Variants in KMT2A observed in about 807,000 individuals in gnomAD.
The protein encoded by KMT2A is lysine methyltransferase 2A, also known as histone-lysine N-methyltransferase 2A.
A neutral mutation model predicts 345.3 loss-of-function variants in KMT2A; 16 were observed. The ratio of observed to expected loss-of-function variants is 0.05; its 90% CI spans 0.03 to 0.07. The LOEUF (loss-of-function observed/expected upper bound fraction) is 0.07, where lower values mean the gene tolerates loss of function less well. Among genes scored for constraint, KMT2A ranks in the 10% least tolerant of loss-of-function variants. The pLI, the probability that KMT2A is intolerant of heterozygous loss-of-function variation, is 1.00. For missense variants in KMT2A, 3,272 were observed against 4,841.6 expected (o/e 0.68, Z 9.62); for synonymous variants, 1,599 against 1,778.6 (o/e 0.90, Z 2.54).
chr11:118,522,239 T>A lies in KMT2A; in HGVS notation c.*67T>A. 2 of 1,560,714 alleles carry A rather than the reference T, an allele frequency of 1.3e-6. No homozygotes were observed. The highest frequency in any genetic ancestry group is 2.4e-5 in the South Asian group (2 of 84,584). ...GCCATCCAAAGCAACGCTGAAGGCCTTTTCCAGCAGCTGGGAGCTCCCGGA... is the reference window on the plus strand; with the variant it reads ...GCCATCCAAAGCAACGCTGAAGGCCATTTCCAGCAGCTGGGAGCTCCCGGA... On this transcript the variant is annotated 3_prime_UTR_variant, in exon 36 of 36. Transcript: ENST00000534358. The surrounding 1 kb of genome is among the most constrained non-coding windows in gnomAD (Gnocchi z 5.4).
rs543733077 is a variant in KMT2A at position 118,503,120 on chromosome 11, A to G, written c.7228A>G (p.Met2410Val). The G allele has an allele frequency of 4.3e-5, 70 of 1,613,642 alleles. No individual in the cohort carries two copies. The African/African-American group carries it at 8.7e-4, about 20-fold the overall frequency. The stretch of plus-strand genomic sequence containing the variant: ...AGTCAAAACCTTGAAGCTATCTGGA[A>G]TGAGCAACAGATCATCCATTATCAA... ...TEVKTLKLSGMSNRSSIINEH... is the reference protein window; with the variant it reads ...TEVKTLKLSGVSNRSSIINEH... The change falls in exon 27 of 36, where the codon ATG becomes GTG. Residue 2410 changes from methionine to valine, a missense_variant. Physicochemically the swap from Met to Val is conservative, Grantham distance 21 (BLOSUM62 1). Around this residue, in one of 27 missense-constraint regions of KMT2A, gnomAD observed 445 missense variants for 500.9 expected, o/e 0.89. Transcript: ENST00000534358. This position sits in a 1 kb window ranked among gnomAD's most constrained non-coding sequence, Gnocchi z 5.3.
chr11:118,503,343 A>C lies in KMT2A; in HGVS notation c.7451A>C (p.Asn2484Thr). ...TATATGGGCCAACGACCATGTAACA[A>C]TGTTTCTTCTGATAAGATTGGTGAT... ...PEYMGQRPCN[N>T]VSSDKIGDKG... Residue 2484 changes from asparagine (N) to threonine (T), a missense_variant, in exon 27 of 36, where the codon AAT becomes ACT. Physicochemically the swap from Asn to Thr is moderately conservative, Grantham distance 65. Transcript: ENST00000534358. This position sits in a 1 kb window ranked among gnomAD's most constrained non-coding sequence, Gnocchi z 5.3. 1.9e-6 allele frequency: 3 copies of C among 1,614,124 alleles called. No individual in the cohort carries two copies. Among genetic ancestry groups the C allele is most frequent in the African/African-American group, 1.3e-5 (1 of 75,012 alleles).
Position 118,510,062 on chromosome 11 carries a change from T to G in KMT2A, c.11015T>G (p.Leu3672Arg). The G allele has an allele frequency of 6.2e-7, 1 of 1,613,920 alleles. No individual in the cohort carries two copies. The highest frequency in any genetic ancestry group is 8.5e-7 in the Non-Finnish European group (1 of 1,179,870). Residue 3672 changes from leucine to arginine, a missense_variant, in exon 30 of 36, where the codon CTT (leucine) becomes CGT (arginine). Physicochemically the swap from Leu to Arg is moderately radical, Grantham distance 102. Transcript: ENST00000534358. The surrounding 1 kb of genome is among the most constrained non-coding windows in gnomAD (Gnocchi z 4.1). Reference protein sequence around the residue: ...SITEKKPKKGLVFEISSDDGF... With the variant: ...SITEKKPKKGRVFEISSDDGF... ...ACTGAGAAAAAACCCAAGAAAGGACTTGTTTTTGAAATTTCCAGTGATGAT... is the reference window on the plus strand; with the variant it reads ...ACTGAGAAAAAACCCAAGAAAGGACGTGTTTTTGAAATTTCCAGTGATGAT...
Position 118,491,970 on chromosome 11 carries a change from T to TAA in KMT2A, c.5004+43_5004+44insAA. 2 of 1,433,864 alleles carry TAA rather than the reference T, an allele frequency of 1.4e-6. No homozygotes were observed. Among genetic ancestry groups the TAA allele is most frequent in the Non-Finnish European group, 1.9e-6 (2 of 1,032,424 alleles). 88.8% of individuals were successfully genotyped at this position (1,433,864 alleles called of 1,614,324 possible). A position where few individuals can be genotyped will look rare whatever the true frequency, so the allele number is the denominator to read the frequency against. ...TTTTTTCTGAGAGCTTGTTCTTAGG[T>TAA]AGTCTTTACCTAGTGTTTTTCTTTT... On this transcript the variant is annotated intron_variant, in intron 15 of 35. Transcript: ENST00000534358. This position sits in a 1 kb window ranked among gnomAD's most constrained non-coding sequence, Gnocchi z 4.2.
Position 118,476,822 on chromosome 11 carries a change from A to T in KMT2A, c.3174A>T (p.Ser1058=). The change falls in exon 4 of 36, where the codon TCA becomes TCT. Residue 1058 remains serine, a synonymous_variant. Coordinates refer to ENST00000534358, the MANE Select transcript of KMT2A (RefSeq NM_001197104.2). The surrounding 1 kb of genome is among the most constrained non-coding windows in gnomAD (Gnocchi z 4.1). ...QPKAQGQESD[S]SETSVRGPRI... ...ATATTCAGGGTCAAGAAAGTGACTC[A>T]TCAGAGACCTCTGTGCGAGGACCCC... 2 of 1,609,310 alleles carry T rather than the reference A, an allele frequency of 1.2e-6. No individual in the cohort carries two copies. The highest frequency in any genetic ancestry group is 1.7e-6 in the Non-Finnish European group (2 of 1,175,982).
chr11:118,507,279 G>A (rs559388214), intron 27 of KMT2A, among the ~76,000 whole-genome samples: 1 of 152,150 alleles, frequency 6.6e-6, no homozygotes, highest in Non-Finnish European at 1.5e-5. Context: ...CCTAGGTGGA[G>A]TGCACCTATG....
chr11:118,451,347 G>A lies in KMT2A; in HGVS notation c.432+14403G>A, dbSNP rs546882342. On this transcript the variant is annotated intron_variant, in intron 1 of 35. Coordinates refer to ENST00000534358, the MANE Select transcript of KMT2A (RefSeq NM_001197104.2). ...CTTCCTCAGCCTCCTGAGTAGCTGG[G>A]ACCATAGGCTCACAACACCATGCCT... Among the ~76,000 whole-genome samples, 11 of 151,882 alleles carry A rather than the reference G, an allele frequency of 7.2e-5. No individual in the cohort carries two copies. The South Asian group carries it at 1.7e-3, about 23-fold the overall frequency.
rs782404733 is a variant in KMT2A, at chr11:118,482,440, A to T, written c.4031A>T (p.Gln1344Leu). Residue 1344 changes from glutamine to leucine, a missense_variant, in exon 8 of 36, where the codon CAG becomes CTG. Gln to Leu is a moderately radical substitution (Grantham distance 113). Coordinates refer to ENST00000534358, the MANE Select transcript of KMT2A (RefSeq NM_001197104.2). Reference protein sequence around the residue: ...PPESGPEQSKQKKVAPRPSIP... With the variant: ...PPESGPEQSKLKKVAPRPSIP... ...TTTTTAGGTCCAGAGCAGAGCAAAC[A>T]GAAAAAAGTGGCTCCCCGCCCAAGT... is the stretch of plus-strand genomic sequence containing the variant. 3 of 1,613,684 alleles carry T rather than the reference A, an allele frequency of 1.9e-6. No individual in the cohort carries two copies. Among genetic ancestry groups the T allele is most frequent in the Non-Finnish European group, 2.5e-6 (3 of 1,179,806 alleles).
intron 28 of KMT2A, 89 bp from the exon 29 acceptor site, chr11:118,509,047 G>T: frequency 5.6e-6 from 6 of 1,079,894 alleles, no homozygotes; most frequent in South Asian, 1.4e-5. Flanking sequence ...CAGTTATTTT[G>T]TATACCACAG....
rs541351408 is a variant in KMT2A at position 118,448,963 on chromosome 11, A to AT, written c.432+12020dup. 3 of 152,214 alleles carry AT rather than the reference A, an allele frequency of 2.0e-5. No individual in the cohort carries two copies. The South Asian group carries it at 6.2e-4, about 32-fold the overall frequency. The allele number at this position is 152,214 out of a possible 1,614,324, so 9.4% of individuals were successfully genotyped here. A position where few individuals can be genotyped will look rare whatever the true frequency, so the allele number is the denominator to read the frequency against. On this transcript the variant is annotated intron_variant, in intron 1 of 35. Coordinates refer to ENST00000534358, the MANE Select transcript of KMT2A (RefSeq NM_001197104.2). ...TTGTCATACATTCAGAAAACAAGAGATGTAAAATTCATAAAACTGCTTGTA... is the reference window on the plus strand; with the variant it reads ...TTGTCATACATTCAGAAAACAAGAGATTGTAAAATTCATAAAACTGCTTGTA...
Position 118,503,890 on chromosome 11 carries a change from A to G in KMT2A, c.7998A>G (p.Gly2666=), listed in dbSNP as rs782199290. The change falls in exon 27 of 36, where the codon GGA becomes GGG. Residue 2666 remains glycine, a synonymous_variant. Transcript: ENST00000534358. This position sits in a 1 kb window ranked among gnomAD's most constrained non-coding sequence, Gnocchi z 5.3. The part of the protein sequence containing the change: ...GKKRGKRSAE[G]QVDGADDLST... ...AGCGAGGCAAGAGATCAGCTGAAGG[A>G]CAGGTGGATGGGGCCGATGACTTAA... is the stretch of plus-strand genomic sequence containing the variant. The G allele has an allele frequency of 1.2e-6, 2 of 1,614,252 alleles. No individual in the cohort carries two copies. Among genetic ancestry groups the G allele is most frequent in the Admixed American group, 1.7e-5 (1 of 60,032 alleles).
chr11:118,463,957 A>G (rs1949793802), intron 1 of KMT2A, among the ~76,000 whole-genome samples: 1 of 152,226 alleles, frequency 6.6e-6, no homozygotes, highest in South Asian at 2.1e-4. Context: ...TGAAGCAAAA[A>G]CAAACATAAA....
intron 1 of KMT2A, among the ~76,000 whole-genome samples, chr11:118,452,287 G>A (rs1036940726): frequency 2.0e-5 from 3 of 152,140 alleles, no homozygotes; most frequent in Non-Finnish European, 4.4e-5. Flanking sequence ...TGTAATGCCA[G>A]CACTTTGGGA....
At chr11:118,461,462 A>G (rs781981734) in intron 1 of KMT2A, among the ~76,000 whole-genome samples, 2 of 152,230 alleles carry the variant, frequency 1.3e-5, no homozygotes, top group African/African-American at 4.8e-5. Context: ...GCAGTGCTCT[A>G]CTTGGCAAGG....
chr11:118,479,716 A>G (rs917709904), intron 5 of KMT2A, among the ~76,000 whole-genome samples: 5 of 152,212 alleles, frequency 3.3e-5, no homozygotes, highest in African/African-American at 1.2e-4. Context: ...ATTTTATTAA[A>G]TCTAAATTTA....
rs1555053411 is a variant in KMT2A at position 118,521,110 on chromosome 11, A to T, written c.11514-178A>T. On this transcript the variant is annotated intron_variant, in intron 34 of 35. Coordinates refer to ENST00000534358, the MANE Select transcript of KMT2A (RefSeq NM_001197104.2). The surrounding 1 kb of genome is among the most constrained non-coding windows in gnomAD (Gnocchi z 5.3). Reference sequence around the variant, plus strand: ...GCTTCCAGCGGGTCACAGAATGGAAATAACTTTCATCTTTGGCCATGTGTT... The same window carrying T: ...GCTTCCAGCGGGTCACAGAATGGAATTAACTTTCATCTTTGGCCATGTGTT... The T allele has an allele frequency of 1.4e-6, 1 of 702,148 alleles. No homozygotes were observed. The highest frequency in any genetic ancestry group is 1.9e-5 in the South Asian group (1 of 53,240). 43.5% of individuals were successfully genotyped at this position (702,148 alleles called of 1,614,324 possible). A position where few individuals can be genotyped will look rare whatever the true frequency, so the allele number is the denominator to read the frequency against.
At chr11:118,474,373 C>A in intron 3 of KMT2A, 58 bp downstream of exon 3, 2 of 1,555,464 alleles carry the variant, frequency 1.3e-6, no homozygotes, top group Non-Finnish European at 1.7e-6. Flanking sequence ...TTTCTATGGG[C>A]AAGTTTTAGG....
Position 118,497,759 on chromosome 11 carries a change from AGAAG to A in KMT2A, c.5665-172_5665-169del, listed in dbSNP as rs1298822318. On this transcript the variant is annotated intron_variant, in intron 20 of 35. Coordinates refer to ENST00000534358, the MANE Select transcript of KMT2A (RefSeq NM_001197104.2). This position sits in a 1 kb window ranked among gnomAD's most constrained non-coding sequence, Gnocchi z 4.8. Reference sequence around the variant, plus strand: ...GTCTATGGAAAAAGTAATCTTGAAAAGAAGGAAGTGGAAACAGAGCAACGTTGCA... The same window carrying A: ...GTCTATGGAAAAAGTAATCTTGAAAAGAAGTGGAAACAGAGCAACGTTGCA... 7.2e-5 allele frequency among the ~76,000 whole-genome samples: 11 copies of A among 152,316 alleles called. No individual in the cohort carries two copies. The East Asian group carries it at 1.9e-3, about 27-fold the overall frequency.
intron 3 of KMT2A, among the ~76,000 whole-genome samples, chr11:118,474,861 A>T (rs1466592623): frequency 6.6e-6 from 1 of 152,160 alleles, no homozygotes; most frequent in Non-Finnish European, 1.5e-5. Flanking sequence ...GCGATGGCTC[A>T]TGCCTGTAAT....
Sources: gnomAD v4.1 joint callset for allele counts (sites outside exome capture counted in the v4.1 genomes callset) on GRCh38, gnomAD v4.1.1 for gene constraint, gnomAD v4.1.1 regional missense constraint, Gnocchi (gnomAD v3.1) non-coding constraint, MANE v1.5 for transcripts, NCBI Gene and HGNC (gene_info 2026-07-23, HGNC 2026-07-21) for gene names.